The following CCBE1 variants were observed in gnomAD, a reference collection of about 807,000 sequenced individuals.
The protein encoded by CCBE1 is collagen and calcium binding EGF domains 1.
A neutral mutation model predicts 50.0 loss-of-function variants in CCBE1; 37 were observed. The ratio of observed to expected loss-of-function variants is 0.74; its 90% confidence interval spans 0.57 to 0.97. The LOEUF (loss-of-function observed/expected upper bound fraction) is 0.97. Among genes scored for constraint, CCBE1 ranks in the 50% least tolerant of loss-of-function variants. The pLI is 0.00. For missense variants in CCBE1, 538 were observed against 523.8 expected, an observed-to-expected ratio of 1.03 and a Z score of -0.26; for synonymous variants, 234 against 203.7, an observed-to-expected ratio of 1.15 and a Z score of -1.27.
At chr18:59,625,812 G>C (rs1368187906) in intron 2 of CCBE1, among the ~76,000 whole-genome samples, 2 of 152,004 alleles carry the variant, frequency 1.3e-5, no homozygotes, top group African/African-American at 4.8e-5. Context: ...TGAGGGGTGG[G>C]GTCTTTGGGG....
intron 2 of CCBE1, among the ~76,000 whole-genome samples, chr18:59,552,334 T>C (rs1363980993): frequency 6.6e-6 from 1 of 152,250 alleles, no homozygotes; most frequent in Non-Finnish European, 1.5e-5. Context: ...TGTTCACGCC[T>C]TTGTGTATTA....
chr18:59,590,519 G>C (rs2053248560), intron 2 of CCBE1, among the ~76,000 whole-genome samples: 1 of 152,012 alleles, frequency 6.6e-6, no homozygotes, highest in Non-Finnish European at 1.5e-5. Flanking sequence ...TAGGCATGAT[G>C]ATACCAACTC....
chr18:59,613,646 T>A (rs1394043701), intron 2 of CCBE1, among the ~76,000 whole-genome samples: 1 of 152,042 alleles, frequency 6.6e-6, no homozygotes, highest in East Asian at 1.9e-4. Context: ...ACGCCTGTAA[T>A]CCCAGCATTT....
At chr18:59,607,249 C>A (rs898031320) in intron 2 of CCBE1, among the ~76,000 whole-genome samples, 1 of 152,136 alleles carries the variant, frequency 6.6e-6, no homozygotes, top group Non-Finnish European at 1.5e-5. Flanking sequence ...TTTAGATAAG[C>A]ATGTACCAGT....
chr18:59,446,380 GC>G (rs1910670996), intron 7 of CCBE1, among the ~76,000 whole-genome samples: 1 of 152,204 alleles, frequency 6.6e-6, no homozygotes, highest in Non-Finnish European at 1.5e-5. Context: ...AGAGCACTAT[GC>G]TAGGAAGCAG....
At chr18:59,638,386 G>T (rs773601629) in intron 2 of CCBE1, among the ~76,000 whole-genome samples, 5 of 152,202 alleles carry the variant, frequency 3.3e-5, no homozygotes, top group African/African-American at 4.8e-5. Context: ...ACTGCACAGT[G>T]TACTAGAGCA....
chr18:59,500,851 T>C (rs576517695), intron 2 of CCBE1, among the ~76,000 whole-genome samples: 1 of 152,160 alleles, frequency 6.6e-6, no homozygotes, highest in South Asian at 2.1e-4. Context: ...CCTGTAACAA[T>C]GGAAACACAG....
intron 2 of CCBE1, chr18:59,688,127 T>C (rs2054682015): frequency 6.6e-6 from 1 of 152,208 alleles, no homozygotes; most frequent in African/African-American, 2.4e-5. Flanking sequence ...TCCAAATATA[T>C]GCTATCATTT....
At chr18:59,486,910 C>T (rs77567614) in intron 2 of CCBE1, among the ~76,000 whole-genome samples, 10,717 of 151,764 alleles carry the variant, frequency 0.071, 861 homozygotes, top group East Asian at 0.33. Flanking sequence ...CTTGTTATTA[C>T]CAAATCTCAG....
At chr18:59,494,554 T>C (rs1163485858) in intron 2 of CCBE1, among the ~76,000 whole-genome samples, 1 of 151,942 alleles carries the variant, frequency 6.6e-6, no homozygotes, top group Non-Finnish European at 1.5e-5. Flanking sequence ...GGTTAAAATC[T>C]GTAGGACTTC....
chr18:59,628,754 T>C (rs530342115), intron 2 of CCBE1, among the ~76,000 whole-genome samples: 2 of 152,288 alleles, frequency 1.3e-5, no homozygotes, highest in East Asian at 3.9e-4. Flanking sequence ...GTCCTTCCTC[T>C]CAAGTGGAAC....
chr18:59,436,079 A>G lies in CCBE1; in HGVS notation c.1050T>C (p.Thr350=). The part of the protein sequence containing the change: ...LMLADIRNDI[T]ELQEKVFGHR... ...GCCCGAACACCTTTTCCTGCAGCTC[A>G]GTGATGTCATTGCGGATGTCAGCCA... The change falls in exon 11 of 11, where the codon ACT becomes ACC. Residue 350 remains threonine (T), a synonymous_variant. Transcript: ENST00000439986. 1 of 1,614,206 alleles carries G rather than the reference A, an allele frequency of 6.2e-7. No individual in the cohort carries two copies. The highest frequency in any genetic ancestry group is 2.2e-5 in the East Asian group (1 of 44,870).
intron 2 of CCBE1, 146 bp downstream of exon 2, chr18:59,696,483 C>T: frequency 6.6e-7 from 1 of 1,517,802 alleles, no homozygotes; most frequent in African/African-American, 1.4e-5. Flanking sequence ...CTCAAAGATT[C>T]GCACCGCGCG....
intron 2 of CCBE1, among the ~76,000 whole-genome samples, chr18:59,531,927 C>T (rs780082708): frequency 1.2e-4 from 18 of 152,158 alleles, no homozygotes; most frequent in Non-Finnish European, 2.5e-4. Flanking sequence ...CCCAAGGCAT[C>T]GCTTTTCACC....
At chr18:59,659,390 G>T (rs2054251919) in intron 2 of CCBE1, among the ~76,000 whole-genome samples, 1 of 151,474 alleles carries the variant, frequency 6.6e-6, no homozygotes, top group Non-Finnish European at 1.5e-5. Context: ...ATTGTTTTCA[G>T]ACAACCAACT....
chr18:59,505,095 G>A (rs1339766631), intron 2 of CCBE1, among the ~76,000 whole-genome samples: 1 of 152,170 alleles, frequency 6.6e-6, no homozygotes, highest in Non-Finnish European at 1.5e-5. Flanking sequence ...TGGCCTCTAA[G>A]CTTCCAACTC....
At chr18:59,686,755 T>C (rs778044158) in intron 2 of CCBE1, among the ~76,000 whole-genome samples, 3 of 152,232 alleles carry the variant, frequency 2.0e-5, no homozygotes, top group Non-Finnish European at 2.9e-5. Context: ...GCCAATCATA[T>C]ACAGTATCTC....
At chr18:59,629,158 G>A (rs747690462) in intron 2 of CCBE1, among the ~76,000 whole-genome samples, 1 of 152,122 alleles carries the variant, frequency 6.6e-6, no homozygotes, top group Admixed American at 6.5e-5. Context: ...AAAGCCCACT[G>A]ACCTCATCTA....
chr18:59,474,278 T>C (rs1912204279), intron 3 of CCBE1, among the ~76,000 whole-genome samples: 1 of 152,222 alleles, frequency 6.6e-6, no homozygotes, highest in Non-Finnish European at 1.5e-5. Flanking sequence ...GTAGTTTCCC[T>C]CTAATATCTG....
Sources: gnomAD v4.1 joint callset for allele counts (sites outside exome capture counted in the v4.1 genomes callset) on GRCh38, gnomAD v4.1.1 for gene constraint, MANE v1.5 for transcripts, NCBI Gene and HGNC (gene_info 2026-07-23, HGNC 2026-07-21) for gene names.